The following LBP variants were observed in gnomAD, a reference collection of about 807,000 sequenced individuals.
LBP encodes lipopolysaccharide binding protein, also known as lipopolysaccharide-binding protein.
A neutral mutation model predicts 56.6 loss-of-function variants in LBP; 53 were observed. That is an observed-to-expected ratio of 0.94 (90% CI 0.75 to 1.18). The LOEUF is 1.18. LBP is among the 50% of genes most tolerant of loss of function. The pLI, the probability that LBP is intolerant of heterozygous loss-of-function variation, is 0.00. For missense variants in LBP, 601 were observed against 598.3 expected (o/e 1.00, Z -0.05); for synonymous variants, 227 against 247.5 (o/e 0.92, Z 0.78).
chr20:38,353,223 A>AT (rs1381318708), intron 3 of LBP, among the ~76,000 whole-genome samples: 2 of 152,190 alleles, frequency 1.3e-5, no homozygotes, highest in Non-Finnish European at 2.9e-5. Flanking sequence ...ATTCAGTGGC[A>AT]TGTAGTACAT....
rs2232607 is a variant in LBP, at chr20:38,364,679, A to G, written c.848A>G (p.Asp283Gly). Residue 283 changes from aspartate (D) to glycine (G), a missense_variant, in exon 8 of 15, where the codon GAT becomes GGT. Transcript: ENST00000217407. ...HNKMVYFAIS[D>G]YVFNTASLVY... ...AAAATGGTCTACTTTGCCATCTCGGATTATGTCTTCAACACGGCCAGCCTG... is the reference window on the plus strand; with the variant it reads ...AAAATGGTCTACTTTGCCATCTCGGGTTATGTCTTCAACACGGCCAGCCTG... 0.014 allele frequency: 23,060 copies of G among 1,614,122 alleles called. 184 individuals carry two copies. The highest frequency in any genetic ancestry group is 0.017 in the Non-Finnish European group (19,785 of 1,180,008).
At chr20:38,362,152 G>A (rs1323827751) in intron 6 of LBP, among the ~76,000 whole-genome samples, 2 of 148,766 alleles carry the variant, frequency 1.3e-5, no homozygotes, top group Non-Finnish European at 1.5e-5. Flanking sequence ...TTCGCCTCGC[G>A]ATTTCACGCC....
Position 38,376,664 on chromosome 20 carries a change from GT to G in LBP, c.1444del (p.Ter482GlufsTer31). 6.2e-7 allele frequency: 1 copy of G among 1,613,876 alleles called. No homozygotes were observed. Among genetic ancestry groups the G allele is most frequent in the Non-Finnish European group, 8.5e-7 (1 of 1,179,724 alleles). On this transcript the variant is annotated frameshift_variant, in exon 15 of 15. Transcript: ENST00000217407. LOFTEE classifies it high-confidence loss of function. ...GGGTGCCAATGTCCAATACATGAGA[GT>G]TTGAGGACAAGAAAGATGAAGCTTG... ...FLGANVQYMR[V>X] is the part of the protein sequence containing the mutation.
chr20:38,355,813 G>A (rs1031277744), intron 5 of LBP, among the ~76,000 whole-genome samples: 3 of 152,094 alleles, frequency 2.0e-5, no homozygotes, highest in African/African-American at 7.3e-5. Flanking sequence ...TGGGAACTGG[G>A]CGAGCTCATG....
chr20:38,370,931 T>A (rs959074436), intron 11 of LBP, 126 bp downstream of exon 11: 3 of 805,426 alleles, frequency 3.7e-6, no homozygotes, highest in Non-Finnish European at 6.5e-6. Context: ...TTCACCCCAA[T>A]TGGCCCAATT....
At chr20:38,374,950 A>ATTTTTTTTTTTTTTTT (rs370110558) in intron 14 of LBP, among the ~76,000 whole-genome samples, 22 of 127,126 alleles carry the variant, frequency 1.7e-4, no homozygotes, top group African/African-American at 5.2e-4. Flanking sequence ...CTCCCAGCTA[A>ATTTTTTTTTTTTTTTT]TTTTTTTTTT....
intron 9 of LBP, among the ~76,000 whole-genome samples, chr20:38,368,608 A>G (rs1228594866): frequency 1.3e-5 from 2 of 152,156 alleles, no homozygotes; most frequent in African/African-American, 4.8e-5. Flanking sequence ...TCAAAAAACA[A>G]AACAAAAAAA....
At chr20:38,363,438 G>A (rs2076868777) in intron 6 of LBP, among the ~76,000 whole-genome samples, 1 of 152,220 alleles carries the variant, frequency 6.6e-6, no homozygotes, top group African/African-American at 2.4e-5. Flanking sequence ...GATCCAGGGT[G>A]CACACATTAA....
intron 9 of LBP, 60 bp from the exon 10 acceptor site, chr20:38,368,935 C>T: frequency 6.5e-7 from 1 of 1,543,230 alleles, no homozygotes; most frequent in Non-Finnish European, 9.0e-7. Flanking sequence ...TCCCTCAGGC[C>T]TCTCCTGGCA....
intron 1 of LBP, among the ~76,000 whole-genome samples, chr20:38,346,989 G>C (rs1471787840): frequency 6.6e-6 from 1 of 152,174 alleles, no homozygotes; most frequent in Non-Finnish European, 1.5e-5. Flanking sequence ...CACCACCTCT[G>C]ATGATGGGAA....
chr20:38,356,495 C>A (rs1600724481), intron 5 of LBP, among the ~76,000 whole-genome samples: 1 of 150,392 alleles, frequency 6.6e-6, no homozygotes, highest in African/African-American at 2.4e-5. Context: ...GCTTTGAGTG[C>A]CCCCTCGTGG....
intron 3 of LBP, among the ~76,000 whole-genome samples, chr20:38,351,355 C>A (rs967567875): frequency 3.3e-5 from 5 of 152,184 alleles, no homozygotes; most frequent in African/African-American, 1.2e-4. Context: ...GCAAGTGAAG[C>A]TCTGTCTAGC....
At chr20:38,359,446 G>A (rs1184751363) in intron 5 of LBP, among the ~76,000 whole-genome samples, 4 of 152,210 alleles carry the variant, frequency 2.6e-5, no homozygotes, top group Non-Finnish European at 5.9e-5. Context: ...GCAGGGTGTG[G>A]TGGCACATGC....
At chr20:38,355,449 G>T (rs2232592) in intron 5 of LBP, 40 bp downstream of exon 5, 3 of 1,577,490 alleles carry the variant, frequency 1.9e-6, no homozygotes, top group Admixed American at 3.3e-5. Flanking sequence ...CGAGCTTGGC[G>T]AGGGCTGAAT....
intron 14 of LBP, 149 bp downstream of exon 14, chr20:38,374,162 G>T: frequency 1.4e-6 from 1 of 719,508 alleles, no homozygotes; most frequent in Non-Finnish European, 2.4e-6. Context: ...CCTGGGCCTT[G>T]CCATATGCCA....
rs1280006214 is a variant in LBP, at chr20:38,373,060, G to A, written c.1261-12G>A. Reference sequence around the variant, plus strand: ...GTGGCGATGTAAATATATCTCTCCTGTTCTCTTCCAGGCAGAGCTGTTGGA... The same window carrying A: ...GTGGCGATGTAAATATATCTCTCCTATTCTCTTCCAGGCAGAGCTGTTGGA... On this transcript the variant is annotated splice_polypyrimidine_tract_variant and intron_variant, in intron 12 of 14. Transcript: ENST00000217407. 3 of 1,612,610 alleles carry A rather than the reference G, an allele frequency of 1.9e-6. No individual in the cohort carries two copies. Among genetic ancestry groups the A allele is most frequent in the East Asian group, 4.5e-5 (2 of 44,876 alleles).
intron 1 of LBP, 62 bp downstream of exon 1, chr20:38,346,702 A>T: frequency 1.4e-5 from 23 of 1,602,414 alleles, no homozygotes; most frequent in Non-Finnish European, 2.0e-5. Context: ...CTCTGGGTAC[A>T]GTGGGGACAG....
intron 9 of LBP, among the ~76,000 whole-genome samples, chr20:38,368,354 C>T (rs1035798753): frequency 1.3e-5 from 2 of 152,110 alleles, no homozygotes; most frequent in African/African-American, 4.8e-5. Flanking sequence ...AATCCCAGCA[C>T]TTTGGGAGGC....
rs551528799 is a variant in LBP, at chr20:38,346,483, G to C, written c.-34G>C. Reference sequence around the variant, plus strand: ...GGGACCTGGGCCCAATCCACAGCTGGGACAGTCCTGGCCCACTGCACTGGG... The same window carrying C: ...GGGACCTGGGCCCAATCCACAGCTGCGACAGTCCTGGCCCACTGCACTGGG... On this transcript the variant is annotated 5_prime_UTR_variant, in exon 1 of 15. Transcript: ENST00000217407. The C allele has an allele frequency of 6.2e-6, 10 of 1,611,786 alleles. No homozygotes were observed. The African/African-American group carries it at 1.2e-4, about 19-fold the overall frequency.
Sources: gnomAD v4.1 joint callset for allele counts (sites outside exome capture counted in the v4.1 genomes callset) on GRCh38, gnomAD v4.1.1 for gene constraint, MANE v1.5 for transcripts, NCBI Gene and HGNC (gene_info 2026-07-23, HGNC 2026-07-21) for gene names.